Variants in SH3GL2 observed in about 807,000 individuals in gnomAD.
SH3GL2 encodes endophilin-A1.
In SH3GL2, 24 loss-of-function variants were observed where a neutral mutation model predicts 46.0. The ratio of observed to expected loss-of-function variants is 0.52; its 90% CI spans 0.38 to 0.73. The LOEUF is 0.73. Ranked by LOEUF, SH3GL2 falls within the 30% of genes least tolerant of loss-of-function variation. The pLI is 0.00. For missense variants in SH3GL2, 413 were observed against 424.2 expected (o/e 0.97, Z 0.23); for synonymous variants, 196 against 147.1 (o/e 1.33, Z -2.40).
At chr9:17,771,514 A>G (rs1823480917) in intron 3 of SH3GL2, among the ~76,000 whole-genome samples, 1 of 152,174 alleles carries the variant, frequency 6.6e-6, no homozygotes, top group Non-Finnish European at 1.5e-5. Flanking sequence ...ATTATTTACC[A>G]CCACCCTCTA....
chr9:17,615,743 A>AC (rs397760935), intron 1 of SH3GL2, among the ~76,000 whole-genome samples: 1 of 151,506 alleles, frequency 6.6e-6, no homozygotes, highest in African/African-American at 2.4e-5. Flanking sequence ...AAAAAAAAAA[A>AC]CCCACACTAC....
chr9:17,673,318 ATT>A (rs35240605), intron 1 of SH3GL2, among the ~76,000 whole-genome samples: 10 of 141,074 alleles, frequency 7.1e-5, no homozygotes, highest in Admixed American at 1.4e-4. Flanking sequence ...CTAGTTTTTA[ATT>A]TTTTTTTTTT....
Position 17,795,745 on chromosome 9 carries a change from A to C in SH3GL2, c.*2A>C, listed in dbSNP as rs370564967. The C allele has an allele frequency of 2.5e-6, 4 of 1,611,978 alleles. No individual in the cohort carries two copies. In the African/African-American group the frequency reaches 5.3e-5, roughly 22 times the overall value. On this transcript the variant is annotated 3_prime_UTR_variant, in exon 9 of 9. Transcript: ENST00000380607. ...ATTCTGGTTGCCCTGCCCCATTAGG[A>C]TGTTATGCTGGCTGGCTCGCCTCCT...
intron 1 of SH3GL2, among the ~76,000 whole-genome samples, chr9:17,738,626 T>TTTTATATATATCTA (rs58272546): frequency 1.3e-5 from 1 of 74,814 alleles, no homozygotes; most frequent in Non-Finnish European, 2.5e-5. Flanking sequence ...TCATGTGATT[T>TTTTATATATATCTA]TATATATATA....
chr9:17,728,703 C>G (rs1212719786), intron 1 of SH3GL2, among the ~76,000 whole-genome samples: 3 of 152,088 alleles, frequency 2.0e-5, no homozygotes, highest in Non-Finnish European at 4.4e-5. Context: ...TCAGCTCCCA[C>G]TTATTAGTGA....
Position 17,795,769 on chromosome 9 carries a change from C to T in SH3GL2, c.*26C>T, listed in dbSNP as rs1218264961. On this transcript the variant is annotated 3_prime_UTR_variant, in exon 9 of 9. Transcript: ENST00000380607. ...GATGTTATGCTGGCTGGCTCGCCTC[C>T]TCTTGACCCAGATAGTTACGGTTAA... 3 of 1,580,644 alleles carry T rather than the reference C, an allele frequency of 1.9e-6. No homozygotes were observed. The highest frequency in any genetic ancestry group is 1.3e-5 in the African/African-American group (1 of 74,402).
intron 3 of SH3GL2, among the ~76,000 whole-genome samples, chr9:17,767,739 C>T (rs1310318564): frequency 6.6e-6 from 1 of 151,978 alleles, no homozygotes; most frequent in Admixed American, 6.6e-5. Context: ...CACATCCTGG[C>T]AATGAAAAAT....
chr9:17,670,239 C>A (rs147060222), intron 1 of SH3GL2, among the ~76,000 whole-genome samples: 196 of 152,292 alleles, frequency 1.3e-3, no homozygotes, highest in Non-Finnish European at 2.5e-3. Context: ...CTGCTGGCAT[C>A]CCCCAGTGCA....
intron 1 of SH3GL2, among the ~76,000 whole-genome samples, chr9:17,592,794 C>T (rs1306769465): frequency 2.0e-5 from 3 of 152,096 alleles, no homozygotes; most frequent in South Asian, 2.1e-4. Context: ...TTCTCTGCTA[C>T]GAGATGACCA....
chr9:17,687,989 C>G (rs917508385), intron 1 of SH3GL2, among the ~76,000 whole-genome samples: 1 of 152,090 alleles, frequency 6.6e-6, no homozygotes, highest in East Asian at 1.9e-4. Flanking sequence ...AAAGTAAGGG[C>G]AAAGATTGTG....
At chr9:17,723,365 C>A (rs928841892) in intron 1 of SH3GL2, among the ~76,000 whole-genome samples, 3 of 151,988 alleles carry the variant, frequency 2.0e-5, no homozygotes, top group African/African-American at 7.2e-5. Context: ...TTATTTTTGC[C>A]TTCAGTATCA....
At chr9:17,783,589 G>T (rs1209019609) in intron 3 of SH3GL2, among the ~76,000 whole-genome samples, 1 of 152,034 alleles carries the variant, frequency 6.6e-6, no homozygotes. Flanking sequence ...TTAAGACTGA[G>T]CCTCAACTGC....
intron 1 of SH3GL2, among the ~76,000 whole-genome samples, chr9:17,629,822 G>A (rs1331113490): frequency 2.0e-5 from 3 of 152,168 alleles, no homozygotes; most frequent in African/African-American, 4.8e-5. Context: ...AGTCCAGGAA[G>A]TTCTGTAGTC....
At chr9:17,789,750 TTAAC>T in intron 6 of SH3GL2, 200 bp downstream of exon 6, 1 of 1,354,442 alleles carries the variant, frequency 7.4e-7, no homozygotes. Context: ...TTCCTGTAGT[TTAAC>T]TAGATTCTCG....
intron 1 of SH3GL2, among the ~76,000 whole-genome samples, chr9:17,622,202 G>A (rs1819156622): frequency 6.6e-6 from 1 of 152,116 alleles, no homozygotes; most frequent in Non-Finnish European, 1.5e-5. Context: ...TTATTAGCCT[G>A]GTTACTTGCC....
intron 2 of SH3GL2, among the ~76,000 whole-genome samples, chr9:17,760,455 T>G (rs1823138133): frequency 6.6e-6 from 1 of 152,024 alleles, no homozygotes; most frequent in Non-Finnish European, 1.5e-5. Flanking sequence ...TATATTGGTA[T>G]ATACTGATAT....
intron 1 of SH3GL2, among the ~76,000 whole-genome samples, chr9:17,601,302 G>A (rs1024194287): frequency 1.3e-5 from 2 of 151,904 alleles, no homozygotes; most frequent in Non-Finnish European, 2.9e-5. Flanking sequence ...GGTGAAAGGT[G>A]GAAAAAATAA....
intron 1 of SH3GL2, among the ~76,000 whole-genome samples, chr9:17,728,456 T>A (rs1326044361): frequency 1.3e-5 from 2 of 152,102 alleles, no homozygotes; most frequent in South Asian, 4.2e-4. Context: ...TTTTAAATTT[T>A]TAAAATTATT....
chr9:17,608,434 A>G (rs1270842479), intron 1 of SH3GL2, among the ~76,000 whole-genome samples: 2 of 152,184 alleles, frequency 1.3e-5, no homozygotes, highest in African/African-American at 4.8e-5. Flanking sequence ...TTAACGGTCA[A>G]ATCTTACTGA....
Sources: allele counts gnomAD v4.1 joint callset (sites outside exome capture counted in the v4.1 genomes callset), GRCh38; gene constraint gnomAD v4.1.1; transcripts MANE v1.5; gene names NCBI Gene and HGNC (gene_info 2026-07-23, HGNC 2026-07-21).